The following ZMYM4 variants were observed in gnomAD, a reference collection of about 807,000 sequenced individuals.
The protein encoded by ZMYM4 is zinc finger MYM-type protein 4.
Under a neutral mutation model 183.2 loss-of-function variants are expected in ZMYM4, and 31 were observed. The ratio of observed to expected loss-of-function variants is 0.17; its 90% CI spans 0.13 to 0.23. The LOEUF is 0.23. ZMYM4 is among the 10% of genes least tolerant of loss of function. The probability of loss-of-function intolerance (pLI) is 1.00; values close to 1 mark genes in which losing one functional copy is unlikely to be tolerated. For synonymous variants in ZMYM4, 592 were observed against 631.2 expected, an observed-to-expected ratio of 0.94 and a Z score of 0.93; for missense variants, 1,273 against 1,840.3, an observed-to-expected ratio of 0.69 and a Z score of 5.64.
intron 2 of ZMYM4, among the ~76,000 whole-genome samples, chr1:35,352,386 GCACA>G (rs374281470): frequency 0.023 from 2,963 of 128,388 alleles, 27 homozygotes; most frequent in South Asian, 0.043. Context: ...AAAAATTAGC[GCACA>G]CACACACACA....
Position 35,415,623 on chromosome 1 carries a change from T to C in ZMYM4, c.4218T>C (p.His1406=), listed in dbSNP as rs2149045913. 1 of 1,614,168 alleles carries C rather than the reference T, an allele frequency of 6.2e-7. No homozygotes were observed. Among genetic ancestry groups the C allele is most frequent in the South Asian group, 1.1e-5 (1 of 91,076 alleles). The change falls in exon 28 of 30, where the codon CAT becomes CAC. Residue 1406 remains histidine, a synonymous_variant. Coordinates refer to ENST00000314607, the MANE Select transcript of ZMYM4 (RefSeq NM_005095.3). ...AGCACTTGAAGCTTTCCTTTGCCCATGTGATGAGACGGACCAGGACTCTGA... is the reference window on the plus strand; with the variant it reads ...AGCACTTGAAGCTTTCCTTTGCCCACGTGATGAGACGGACCAGGACTCTGA... ...VTEHLKLSFA[H]VMRRTRTLKY...
In ZMYM4 at chr1:35,370,625, A is replaced by C. The variant is rs756849810; in HGVS notation, c.1179A>C (p.Ser393=). The change falls in exon 7 of 30, where the codon TCA becomes TCC. Residue 393 remains serine (S), a splice_region_variant and synonymous_variant. Transcript: ENST00000314607. ...PLTKKTCSSC[S]KDILNPKDVI... ...CCAAGAAAACTTGTTCAAGTTGCTC[A>C]AAGTATAGCAGAATTCTAAATTATC... is the stretch of plus-strand genomic sequence containing the variant. 4.4e-6 allele frequency: 7 copies of C among 1,603,476 alleles called. No individual in the cohort carries two copies. The highest frequency in any genetic ancestry group is 6.0e-6 in the Non-Finnish European group (7 of 1,173,562).
chr1:35,299,068 A>G (rs1392221865), intron 1 of ZMYM4, among the ~76,000 whole-genome samples: 5 of 144,494 alleles, frequency 3.5e-5, no homozygotes, highest in East Asian at 2.0e-4. Context: ...GAGTCTTGCC[A>G]TGTGGCCCAG....
chr1:35,280,688 G>T (rs1640112261), intron 1 of ZMYM4, among the ~76,000 whole-genome samples: 1 of 152,100 alleles, frequency 6.6e-6, no homozygotes, highest in Non-Finnish European at 1.5e-5. Flanking sequence ...CGTGTTCCTT[G>T]ATTTGTGGTA....
In ZMYM4 at chr1:35,370,367, T is replaced by TTAA; in HGVS notation, c.926-5_926-4insTAA. On this transcript the variant is annotated splice_region_variant and splice_polypyrimidine_tract_variant and intron_variant, in intron 6 of 29. Transcript: ENST00000314607. Reference sequence around the variant, plus strand: ...TTTTTTTTTTTTTTTTTTTTTTTTTTAAAGCTCCACAGTTGACTACTGGCT... The same window carrying TTAA: ...TTTTTTTTTTTTTTTTTTTTTTTTTTTAAAAAGCTCCACAGTTGACTACTGGCT... 1 of 1,306,362 alleles carries TTAA rather than the reference T, an allele frequency of 7.7e-7. No individual in the cohort carries two copies. Among genetic ancestry groups the TTAA allele is most frequent in the Non-Finnish European group, 1.0e-6 (1 of 980,750 alleles). The allele number at this position is 1,306,362 out of a possible 1,614,324, so 80.9% of individuals were successfully genotyped here. A position where few individuals can be genotyped will look rare whatever the true frequency, so the allele number is the denominator to read the frequency against.
chr1:35,334,393 A>G (rs1278562381), intron 2 of ZMYM4, among the ~76,000 whole-genome samples: 1 of 152,184 alleles, frequency 6.6e-6, no homozygotes, highest in Non-Finnish European at 1.5e-5. Flanking sequence ...CCCATCCATT[A>G]GTATATATTA....
At chr1:35,292,057 T>C (rs140818250) in intron 1 of ZMYM4, 2 of 152,314 alleles carry the variant, frequency 1.3e-5, no homozygotes, top group Non-Finnish European at 2.9e-5. Context: ...AAGCCCAAGA[T>C]AGAGATTGAG....
intron 1 of ZMYM4, among the ~76,000 whole-genome samples, chr1:35,281,358 A>G (rs1570238993): frequency 1.3e-5 from 2 of 152,178 alleles, no homozygotes; most frequent in East Asian, 1.9e-4. Flanking sequence ...TAAGCCAGGC[A>G]CAGGAAGACA....
chr1:35,331,329 A>C (rs1642737266), intron 2 of ZMYM4, among the ~76,000 whole-genome samples: 1 of 152,208 alleles, frequency 6.6e-6, no homozygotes, highest in Non-Finnish European at 1.5e-5. Flanking sequence ...CTCCTTAAAT[A>C]AAGGTATAGG....
chr1:35,315,052 A>C (rs1035638768), intron 1 of ZMYM4, among the ~76,000 whole-genome samples: 2 of 141,770 alleles, frequency 1.4e-5, no homozygotes, highest in African/African-American at 5.3e-5. Context: ...AACAAAAAAA[A>C]CAAAAGTAAT....
At chr1:35,367,521 G>A (rs766312673) in intron 5 of ZMYM4, among the ~76,000 whole-genome samples, 7 of 152,030 alleles carry the variant, frequency 4.6e-5, no homozygotes, top group African/African-American at 1.4e-4. Flanking sequence ...GAGCCACCAC[G>A]TCTGGCCATA....
intron 2 of ZMYM4, among the ~76,000 whole-genome samples, chr1:35,340,630 G>A (rs1643166270): frequency 6.6e-6 from 1 of 151,892 alleles, no homozygotes; most frequent in South Asian, 2.1e-4. Flanking sequence ...TAGGGTTTGC[G>A]CTCCTATGAG....
chr1:35,418,336 G>C, intron 28 of ZMYM4, 107 bp from the exon 29 acceptor site: 1 of 1,225,940 alleles, frequency 8.2e-7, no homozygotes, highest in Non-Finnish European at 1.1e-6. Flanking sequence ...GAGTGAAAGG[G>C]AGGAAATGAC....
At chr1:35,394,244 T>C (rs908274010) in intron 18 of ZMYM4, among the ~76,000 whole-genome samples, 1 of 141,628 alleles carries the variant, frequency 7.1e-6, no homozygotes, top group African/African-American at 2.7e-5. Context: ...CTATGGATGC[T>C]GGGCAGGGTA....
At position 35,319,380 on chromosome 1, in the gene ZMYM4, T is replaced by A. The variant is rs912134209; in HGVS notation, c.40-5980T>A. The stretch of plus-strand genomic sequence containing the variant: ...GGCTCATGCTTGCATTCCCAGCACT[T>A]TGGGAGGCTGAGGTGGGAAGATCAC... On this transcript the variant is annotated intron_variant, in intron 1 of 29. Transcript: ENST00000314607. 1.4e-4 allele frequency among the ~76,000 whole-genome samples: 22 copies of A among 152,088 alleles called. 1 individual carries two copies. The highest frequency in any genetic ancestry group is 5.3e-4 in the African/African-American group (22 of 41,514).
chr1:35,270,357 GTAT>G (rs373782586), intron 1 of ZMYM4, among the ~76,000 whole-genome samples: 61 of 152,270 alleles, frequency 4.0e-4, no homozygotes, highest in Non-Finnish European at 7.8e-4. Context: ...GAAGTGTCAA[GTAT>G]TATTTTTTCC....
intron 23 of ZMYM4, among the ~76,000 whole-genome samples, chr1:35,403,457 T>C (rs2149020718): frequency 6.6e-6 from 1 of 152,204 alleles, no homozygotes; most frequent in Middle Eastern, 3.4e-3. Context: ...GGGTAATTTT[T>C]GTATTTTTAG....
At chr1:35,284,810 G>A (rs1301978398) in intron 1 of ZMYM4, among the ~76,000 whole-genome samples, 1 of 152,174 alleles carries the variant, frequency 6.6e-6, no homozygotes, top group African/African-American at 2.4e-5. Flanking sequence ...GAGAGTGTAA[G>A]CTTTCTGGTG....
At chr1:35,296,303 A>G (rs1641004691) in intron 1 of ZMYM4, among the ~76,000 whole-genome samples, 1 of 152,180 alleles carries the variant, frequency 6.6e-6, no homozygotes, top group Non-Finnish European at 1.5e-5. Context: ...GTCTTATTAA[A>G]TATAGACTAT....
Sources: gnomAD v4.1 joint callset for allele counts (sites outside exome capture counted in the v4.1 genomes callset) on GRCh38, gnomAD v4.1.1 for gene constraint, MANE v1.5 for transcripts, NCBI Gene and HGNC (gene_info 2026-07-23, HGNC 2026-07-21) for gene names.